MAGI1: variants seen among roughly 807,000 people sequenced by gnomAD.
MAGI1 encodes membrane associated guanylate kinase, WW and PDZ domain containing 1.
A neutral mutation model predicts 139.9 loss-of-function variants in MAGI1; 58 were observed. That is an observed-to-expected ratio of 0.41 (90% CI 0.34 to 0.52). MAGI1 has a LOEUF of 0.52. Among genes scored for constraint, MAGI1 ranks in the 20% least tolerant of loss-of-function variants. MAGI1 has a pLI of 0.12. For missense variants in MAGI1, 1,874 were observed against 1,901.6 expected (o/e 0.99, Z 0.27); for synonymous variants, 812 against 737.9 (o/e 1.10, Z -1.63).
intron 1 of MAGI1, among the ~76,000 whole-genome samples, chr3:65,956,119 C>A (rs184127297): frequency 2.0e-5 from 3 of 152,236 alleles, no homozygotes; most frequent in African/African-American, 7.2e-5. Context: ...GTCTAATGCT[C>A]TGGGTGAAAT....
chr3:65,890,133 A>AT, intron 1 of MAGI1, among the ~76,000 whole-genome samples: 1 of 152,072 alleles, frequency 6.6e-6, no homozygotes, highest in African/African-American at 2.4e-5. Flanking sequence ...TGGGAGGCCG[A>AT]GTGGACGGAT....
intron 1 of MAGI1, among the ~76,000 whole-genome samples, chr3:65,706,103 T>C (rs1216469183): frequency 6.6e-6 from 1 of 152,190 alleles, no homozygotes; most frequent in East Asian, 1.9e-4. Flanking sequence ...TTTTTTCTAA[T>C]CAATGTAATG....
At chr3:65,390,282 C>A (rs921061779) in intron 14 of MAGI1, among the ~76,000 whole-genome samples, 1 of 152,168 alleles carries the variant, frequency 6.6e-6, no homozygotes, top group Non-Finnish European at 1.5e-5. Flanking sequence ...CAAACCGAAT[C>A]TCCACCATCA....
intron 2 of MAGI1, among the ~76,000 whole-genome samples, chr3:65,593,970 C>T (rs1438596261): frequency 1.3e-5 from 2 of 152,192 alleles, no homozygotes; most frequent in Admixed American, 6.5e-5. Context: ...TGATGAGTCA[C>T]TTTCAAGCCC....
At chr3:65,582,235 C>T (rs1559691359) in intron 2 of MAGI1, among the ~76,000 whole-genome samples, 1 of 152,138 alleles carries the variant, frequency 6.6e-6, no homozygotes, top group Non-Finnish European at 1.5e-5. Context: ...CATAGAGAAG[C>T]ATGCAATATT....
intron 2 of MAGI1, among the ~76,000 whole-genome samples, chr3:65,522,282 C>G (rs907716402): frequency 6.6e-6 from 1 of 152,194 alleles, no homozygotes; most frequent in African/African-American, 2.4e-5. Flanking sequence ...ATAAACTATG[C>G]TGTGTTTACC....
rs763338326 is a variant in MAGI1, at chr3:65,470,444, T to G, written c.798A>C (p.Thr266=). 3 of 1,613,554 alleles carry G rather than the reference T, an allele frequency of 1.9e-6. No homozygotes were observed. In the East Asian group the frequency reaches 6.7e-5, roughly 36 times the overall value. ...GEQEEHTLQE[T]ALPPVNSSII... is the part of the protein sequence containing the mutation. ...TGCTACTATTCACAGGTGGTAATGC[T>G]GTTTCTTGGAGAGTGTGCTCCTCTT... The change falls in exon 5 of 23, where the codon ACA becomes ACC. Residue 266 remains threonine (T), a synonymous_variant. Coordinates refer to ENST00000402939, the MANE Select transcript of MAGI1 (RefSeq NM_001033057.2).
chr3:65,653,684 C>T (rs1424858365), intron 1 of MAGI1, among the ~76,000 whole-genome samples: 1 of 152,112 alleles, frequency 6.6e-6, no homozygotes, highest in Non-Finnish European at 1.5e-5. Context: ...TTTCTCTTTG[C>T]ATTTCTATTG....
intron 2 of MAGI1, among the ~76,000 whole-genome samples, chr3:65,559,991 G>C (rs2080267232): frequency 6.6e-6 from 1 of 152,144 alleles, no homozygotes; most frequent in Non-Finnish European, 1.5e-5. Context: ...AGCCAAGATT[G>C]CACCACTACA....
At chr3:65,631,391 CA>C (rs1190748948) in intron 1 of MAGI1, among the ~76,000 whole-genome samples, 1 of 152,164 alleles carries the variant, frequency 6.6e-6, no homozygotes, top group Non-Finnish European at 1.5e-5. Flanking sequence ...TGAGCATTTG[CA>C]ATATTAGTGT....
intron 2 of MAGI1, among the ~76,000 whole-genome samples, chr3:65,534,510 TG>T (rs1013606769): frequency 2.0e-5 from 3 of 151,658 alleles, no homozygotes; most frequent in African/African-American, 7.3e-5. Context: ...AAAAAGAGTG[TG>T]GGATTTGGAA....
At chr3:65,431,607 C>G (rs1055184480) in intron 10 of MAGI1, among the ~76,000 whole-genome samples, 2 of 151,714 alleles carry the variant, frequency 1.3e-5, no homozygotes, top group African/African-American at 2.4e-5. Flanking sequence ...CAAAGAAACC[C>G]CCCCCACAAC....
At chr3:65,735,820 G>A (rs868257608) in intron 1 of MAGI1, among the ~76,000 whole-genome samples, 18 of 152,132 alleles carry the variant, frequency 1.2e-4, no homozygotes, top group Non-Finnish European at 2.5e-4. Flanking sequence ...ATTGATGTCC[G>A]CTGCCGCTCA....
intron 1 of MAGI1, among the ~76,000 whole-genome samples, chr3:65,783,412 G>C (rs909908737): frequency 6.6e-6 from 1 of 152,110 alleles, no homozygotes; most frequent in Non-Finnish European, 1.5e-5. Flanking sequence ...ACTTTGAGAG[G>C]GCAGGTGGGA....
chr3:66,034,330 G>A (rs1437905345), intron 1 of MAGI1, among the ~76,000 whole-genome samples: 2 of 152,224 alleles, frequency 1.3e-5, no homozygotes, highest in Non-Finnish European at 2.9e-5. Flanking sequence ...ATCAGACAGA[G>A]CTGGGTTGCA....
At chr3:65,459,735 C>T (rs537856917) in intron 5 of MAGI1, among the ~76,000 whole-genome samples, 2 of 152,068 alleles carry the variant, frequency 1.3e-5, no homozygotes, top group South Asian at 4.2e-4. Context: ...CCAGCCTGGG[C>T]AACACAGAAA....
chr3:65,864,141 T>A (rs1278092936), intron 1 of MAGI1, among the ~76,000 whole-genome samples: 2 of 152,098 alleles, frequency 1.3e-5, no homozygotes, highest in African/African-American at 4.8e-5. Flanking sequence ...TAATAGCATG[T>A]ATAGCATGAT....
chr3:65,397,077 A>C (rs1273426370), intron 13 of MAGI1, among the ~76,000 whole-genome samples: 1 of 152,194 alleles, frequency 6.6e-6, no homozygotes, highest in Non-Finnish European at 1.5e-5. Flanking sequence ...AGACTGACTG[A>C]AGTGATCCTA....
At chr3:65,375,613 T>G (rs1942439923) in intron 18 of MAGI1, 132 bp downstream of exon 18, 2 of 771,556 alleles carry the variant, frequency 2.6e-6, no homozygotes, top group Admixed American at 5.0e-5. Context: ...TAGGGATGAA[T>G]AAAGCTGCCA....
Sources: allele counts gnomAD v4.1 joint callset (sites outside exome capture counted in the v4.1 genomes callset), GRCh38; gene constraint gnomAD v4.1.1; transcripts MANE v1.5; gene names NCBI Gene and HGNC (gene_info 2026-07-23, HGNC 2026-07-21).